CEP192: variants seen among roughly 807,000 people sequenced by gnomAD.
The protein encoded by CEP192 is centrosomal protein of 192 kDa.
Under a neutral mutation model 271.8 loss-of-function variants are expected in CEP192, and 151 were observed. The observed-to-expected ratio is 0.56, with a 90% CI of 0.49 to 0.64. The LOEUF is 0.64. Among genes scored for constraint, CEP192 ranks in the 30% least tolerant of loss-of-function variants. The pLI, the probability that CEP192 is intolerant of heterozygous loss-of-function variation, is 0.00. For synonymous variants in CEP192, 995 were observed against 1,076.5 expected (o/e 0.92, Z 1.48); for missense variants, 2,910 against 3,020.5 (o/e 0.96, Z 0.86).
intron 15 of CEP192, among the ~76,000 whole-genome samples, chr18:13,046,829 C>CTTTTTT (rs574030180): frequency 2.1e-4 from 26 of 122,352 alleles, no homozygotes; most frequent in African/African-American, 3.3e-4. Flanking sequence ...AATATCCTTA[C>CTTTTTT]TTTTTTTTTT....
At position 13,035,723 on chromosome 18, in the gene CEP192, C is replaced by G. The variant is rs531414669; in HGVS notation, c.1535-1514C>G. 1.2e-4 allele frequency among the ~76,000 whole-genome samples: 19 copies of G among 152,236 alleles called. No homozygotes were observed. The South Asian group carries it at 3.9e-3, about 32-fold the overall frequency. ...TTTAGGGCAGTGGTTTTTAACTTAG[C>G]TTGAGTCATAGATTCCACAATGAAT... On this transcript the variant is annotated intron_variant, in intron 11 of 44. Transcript: ENST00000506447.
At chr18:13,102,560 C>CT (rs747200308) in intron 38 of CEP192, among the ~76,000 whole-genome samples, 1 of 152,194 alleles carries the variant, frequency 6.6e-6, no homozygotes, top group Non-Finnish European at 1.5e-5. Flanking sequence ...GTGAAGGTCA[C>CT]TTAAGAGCTC....
At chr18:13,102,625 C>T (rs1475733394) in intron 38 of CEP192, among the ~76,000 whole-genome samples, 1 of 152,228 alleles carries the variant, frequency 6.6e-6, no homozygotes, top group Non-Finnish European at 1.5e-5. Flanking sequence ...TCTCCCAGCA[C>T]TGTCGACTGC....
At position 13,056,633 on chromosome 18, in the gene CEP192, C is replaced by T. The variant is rs1025521676; in HGVS notation, c.4043C>T (p.Pro1348Leu). 28 of 1,613,942 alleles carry T rather than the reference C, an allele frequency of 1.7e-5. No homozygotes were observed. Among genetic ancestry groups the T allele is most frequent in the Non-Finnish European group, 2.3e-5 (27 of 1,179,850 alleles). The change falls in exon 19 of 45, where the codon CCT (proline) becomes CTT (leucine). Residue 1348 changes from proline to leucine, a missense_variant. Physicochemically the swap from Pro to Leu is moderately conservative, Grantham distance 98. Coordinates refer to ENST00000506447, the MANE Select transcript of CEP192 (RefSeq NM_032142.4). ...CTGCTAAGCACAACAAAACCTTTTCCTGTGCCGTCTGTTGGTACAAACTGT... is the reference window on the plus strand; with the variant it reads ...CTGCTAAGCACAACAAAACCTTTTCTTGTGCCGTCTGTTGGTACAAACTGT... ...QNLLSTTKPF[P>L]VPSVGTNCGI... is the part of the protein sequence containing the mutation.
rs977064206 is a variant in CEP192, at chr18:13,015,337, C to T, written c.529C>T (p.Leu177Phe). 19 of 1,550,602 alleles carry T rather than the reference C, an allele frequency of 1.2e-5. No homozygotes were observed. The highest frequency in any genetic ancestry group is 1.5e-5 in the Non-Finnish European group (17 of 1,146,680). The change falls in exon 6 of 45, where the codon CTT becomes TTT. Residue 177 changes from leucine to phenylalanine, a missense_variant. By Grantham distance (22) the Leu-to-Phe change is conservative. Transcript: ENST00000506447. The part of the protein sequence containing the change: ...MNNKEPKIVV[L>F]DAGKHFEDKT... Reference sequence around the variant, plus strand: ...ATTTTGTTTCTTATAGATTGTTGTGCTTGATGCTGGAAAACATTTTGAAGA... The same window carrying T: ...ATTTTGTTTCTTATAGATTGTTGTGTTTGATGCTGGAAAACATTTTGAAGA...
chr18:13,088,544 A>T (rs569372686), intron 32 of CEP192, among the ~76,000 whole-genome samples: 1 of 152,232 alleles, frequency 6.6e-6, no homozygotes, highest in South Asian at 2.1e-4. Flanking sequence ...TGATTTAAAG[A>T]TATGAATTCT....
chr18:12,999,740 T>G (rs1405618034), intron 2 of CEP192, among the ~76,000 whole-genome samples, 152 bp downstream of exon 2: 1 of 152,118 alleles, frequency 6.6e-6, no homozygotes, highest in African/African-American at 2.4e-5. Flanking sequence ...AAGACAGAAT[T>G]TACTGTCTTT....
At chr18:13,103,446 A>G in intron 38 of CEP192, 63 bp from the exon 39 acceptor site, 1 of 1,320,282 alleles carries the variant, frequency 7.6e-7, no homozygotes, top group South Asian at 1.2e-5. Context: ...TAGGCCTGTC[A>G]CAGTCATCTG....
At position 13,089,562 on chromosome 18, in the gene CEP192, G is replaced by A; in HGVS notation, c.6100G>A (p.Glu2034Lys). The change falls in exon 33 of 45, where the codon GAA (glutamate) becomes AAA (lysine). Residue 2034 changes from glutamate to lysine, a missense_variant. Transcript: ENST00000506447. ...EAFQDELLVT[E>K]VYDLPQRPND... ...ATTTCAAGATGAGCTATTAGTAACT[G>A]AAGGTAAGAATTCCGGCGTGTCTTG... The A allele has an allele frequency of 6.8e-7, 1 of 1,464,848 alleles. No individual in the cohort carries two copies. The highest frequency in any genetic ancestry group is 1.2e-5 in the South Asian group (1 of 85,882). 90.7% of individuals were successfully genotyped at this position (1,464,848 alleles called of 1,614,324 possible). A position where few individuals can be genotyped will look rare whatever the true frequency, so the allele number is the denominator to read the frequency against.
rs148480880 is a variant in CEP192 at position 13,007,364 on chromosome 18, A to G, written c.291-1092A>G. 6.1e-3 allele frequency among the ~76,000 whole-genome samples: 929 copies of G among 152,282 alleles called. 8 individuals carry two copies. Among genetic ancestry groups the G allele is most frequent in the African/African-American group, 0.022 (894 of 41,558 alleles). On this transcript the variant is annotated intron_variant, in intron 3 of 44. Transcript: ENST00000506447. The stretch of plus-strand genomic sequence containing the variant: ...ATAGCTGTCGTTTTGAGGAAGTAGC[A>G]TTTTTAGAGAGATGGTGGTGAATGT...
rs777070374 is a variant in CEP192 at position 13,124,921 on chromosome 18, C to T, written c.*151C>T. On this transcript the variant is annotated 3_prime_UTR_variant, in exon 45 of 45. Coordinates refer to ENST00000506447, the MANE Select transcript of CEP192 (RefSeq NM_032142.4). ...TTTTTACAAGCTAATACTGAAGACT[C>T]GACTGAAATATTATGTATCTAGCCC... 13 of 608,020 alleles carry T rather than the reference C, an allele frequency of 2.1e-5. No individual in the cohort carries two copies. Among genetic ancestry groups the T allele is most frequent in the African/African-American group, 3.7e-5 (2 of 54,116 alleles). 37.7% of individuals were successfully genotyped at this position (608,020 alleles called of 1,614,324 possible).
At chr18:13,098,589 G>A (rs1235464101) in intron 36 of CEP192, among the ~76,000 whole-genome samples, 2 of 150,930 alleles carry the variant, frequency 1.3e-5, no homozygotes, top group South Asian at 2.1e-4. Flanking sequence ...ATGGGCGGCC[G>A]GGCAGAGATG....
Position 13,124,858 on chromosome 18 carries a change from A to G in CEP192, c.*88A>G, listed in dbSNP as rs910621587. The G allele has an allele frequency of 3.8e-6, 4 of 1,052,036 alleles. No homozygotes were observed. Among genetic ancestry groups the G allele is most frequent in the Non-Finnish European group, 4.1e-6 (3 of 737,452 alleles). The allele number at this position is 1,052,036 out of a possible 1,614,324, so 65.2% of individuals were successfully genotyped here. A position where few individuals can be genotyped will look rare whatever the true frequency, so the allele number is the denominator to read the frequency against. ...ACACTACAATTATGCTTTTGTATATATATTTTGTATGATGGATATCTATAA... is the reference window on the plus strand; with the variant it reads ...ACACTACAATTATGCTTTTGTATATGTATTTTGTATGATGGATATCTATAA... On this transcript the variant is annotated 3_prime_UTR_variant, in exon 45 of 45. Transcript: ENST00000506447.
At chr18:13,015,802 G>A (rs2034614089) in intron 6 of CEP192, among the ~76,000 whole-genome samples, 3 of 151,322 alleles carry the variant, frequency 2.0e-5, no homozygotes, top group African/African-American at 7.3e-5. Context: ...CTGGAGTGCA[G>A]TGGTGTGATC....
At chr18:13,080,982 T>A (rs571375837) in intron 30 of CEP192, among the ~76,000 whole-genome samples, 1 of 152,348 alleles carries the variant, frequency 6.6e-6, no homozygotes, top group Non-Finnish European at 1.5e-5. Flanking sequence ...ATTCCAGGGA[T>A]GAAGCCAACT....
At chr18:13,110,452 G>A (rs1212269736) in intron 40 of CEP192, among the ~76,000 whole-genome samples, 2 of 150,952 alleles carry the variant, frequency 1.3e-5, no homozygotes, top group African/African-American at 2.4e-5. Context: ...TTTTAATAAG[G>A]GCACCAAGAC....
At position 13,036,232 on chromosome 18, in the gene CEP192, G is replaced by A. The variant is rs2035910419; in HGVS notation, c.1535-1005G>A. Among the ~76,000 whole-genome samples the A allele has an allele frequency of 2.6e-5, 4 of 152,152 alleles. No individual in the cohort carries two copies. In the South Asian group the frequency reaches 8.3e-4, roughly 32 times the overall value. The stretch of plus-strand genomic sequence containing the variant: ...AGAACTAGCACTGTTCTGACAGGTA[G>A]GAAGCCTCAGTGGGCTTTGGTGCTC... On this transcript the variant is annotated intron_variant, in intron 11 of 44. Transcript: ENST00000506447.
At chr18:13,036,815 T>TG in intron 11 of CEP192, among the ~76,000 whole-genome samples, 1 of 152,162 alleles carries the variant, frequency 6.6e-6, no homozygotes. Flanking sequence ...TTTCCTGGGA[T>TG]GGGGGGCAAG....
At position 13,040,557 on chromosome 18, in the gene CEP192, G is replaced by A. The variant is rs899550224; in HGVS notation, c.1810-273G>A. 3.9e-5 allele frequency among the ~76,000 whole-genome samples: 6 copies of A among 152,284 alleles called. No individual in the cohort carries two copies. The East Asian group carries it at 9.6e-4, about 24-fold the overall frequency. On this transcript the variant is annotated intron_variant, in intron 13 of 44. Transcript: ENST00000506447. Reference sequence around the variant, plus strand: ...ATCTGCTGCAGGTGTGAGCCACTGCGCTTGGCCTCATTTCTGTTGTTTTAA... The same window carrying A: ...ATCTGCTGCAGGTGTGAGCCACTGCACTTGGCCTCATTTCTGTTGTTTTAA...
Sources: allele counts gnomAD v4.1 joint callset (sites outside exome capture counted in the v4.1 genomes callset), GRCh38; gene constraint gnomAD v4.1.1; transcripts MANE v1.5; gene names NCBI Gene and HGNC (gene_info 2026-07-23, HGNC 2026-07-21).